R3HDM1: variants seen among roughly 807,000 people sequenced by gnomAD.
The protein encoded by R3HDM1 is R3H domain containing 1.
In R3HDM1, 46 loss-of-function variants were observed where a neutral mutation model predicts 141.1. The ratio of observed to expected loss-of-function variants is 0.33; its 90% CI spans 0.26 to 0.42. R3HDM1 has a LOEUF of 0.42. Among genes scored for constraint, R3HDM1 ranks in the 10% least tolerant of loss-of-function variants. The pLI, the probability that R3HDM1 is intolerant of heterozygous loss-of-function variation, is 1.00. For missense variants in R3HDM1, 1,184 were observed against 1,368.3 expected (o/e 0.87, Z 2.12); for synonymous variants, 435 against 472.9 (o/e 0.92, Z 1.04).
At chr2:135,696,518 G>C (rs2073272054) in intron 21 of R3HDM1, among the ~76,000 whole-genome samples, 1 of 152,120 alleles carries the variant, frequency 6.6e-6, no homozygotes, top group Non-Finnish European at 1.5e-5. Flanking sequence ...CTTAGAGACT[G>C]GTTCTTGCTG....
chr2:135,567,422 T>G (rs368509056), intron 1 of R3HDM1, among the ~76,000 whole-genome samples: 1 of 152,172 alleles, frequency 6.6e-6, no homozygotes, highest in Admixed American at 6.5e-5. Flanking sequence ...AGCTTTACTT[T>G]TCACTCCCAA....
chr2:135,543,505 A>C (rs1382373288), intron 1 of R3HDM1, among the ~76,000 whole-genome samples: 1 of 151,978 alleles, frequency 6.6e-6, no homozygotes, highest in African/African-American at 2.4e-5. Context: ...CAGTTTCTGC[A>C]AAGAAGCCAG....
Position 135,636,004 on chromosome 2 carries a change from C to T in R3HDM1, c.807+6C>T. 3 of 1,608,968 alleles carry T rather than the reference C, an allele frequency of 1.9e-6. No homozygotes were observed. Among genetic ancestry groups the T allele is most frequent in the Non-Finnish European group, 2.5e-6 (3 of 1,178,374 alleles). On this transcript the variant is annotated splice_donor_region_variant and intron_variant, in intron 10 of 26. Transcript: ENST00000683871. ...TTGACAAAGATGATAACCAGGTAAT[C>T]TAGAACAATTGTAGGATTTGTATAG...
At chr2:135,536,854 A>C in intron 1 of R3HDM1, 20 of 374,376 alleles carry the variant, frequency 5.3e-5, no homozygotes, top group Non-Finnish European at 6.6e-5. Context: ...TTAGATTCTC[A>C]TAGGATTGCA....
chr2:135,581,539 C>T (rs1323294106), intron 1 of R3HDM1: 1 of 428,426 alleles, frequency 2.3e-6, no homozygotes, highest in African/African-American at 2.2e-5. Flanking sequence ...CTCTCTATGA[C>T]ATGTTAAGTT....
chr2:135,577,838 CAAA>C (rs541600763), intron 1 of R3HDM1, among the ~76,000 whole-genome samples: 3 of 62,888 alleles, frequency 4.8e-5, no homozygotes, highest in African/African-American at 4.6e-5. Flanking sequence ...AACTTCATCT[CAAA>C]AAAAAAAAAA....
chr2:135,669,194 C>T (rs2067960388), intron 19 of R3HDM1: 4 of 984,906 alleles, frequency 4.1e-6, no homozygotes, highest in African/African-American at 3.5e-5. Context: ...TAGTAAACCA[C>T]GCATCTTGCG....
chr2:135,540,395 A>G (rs913700407), intron 1 of R3HDM1, among the ~76,000 whole-genome samples: 3 of 152,154 alleles, frequency 2.0e-5, no homozygotes, highest in Admixed American at 1.3e-4. Context: ...AAAATCTTTA[A>G]AAGTTGATAT....
intron 1 of R3HDM1, among the ~76,000 whole-genome samples, chr2:135,589,497 A>T (rs1490409466): frequency 5.3e-5 from 8 of 152,198 alleles, no homozygotes; most frequent in Non-Finnish European, 1.2e-4. Flanking sequence ...ATACTTGCAC[A>T]GCTGACCAAC....
intron 9 of R3HDM1, among the ~76,000 whole-genome samples, chr2:135,633,155 T>C (rs1463191639): frequency 6.6e-6 from 1 of 152,220 alleles, no homozygotes; most frequent in African/African-American, 2.4e-5. Context: ...GAGTCTGATT[T>C]AGTTTTCATT....
chr2:135,635,807 T>C (rs2063190873), intron 9 of R3HDM1, 83 bp from the exon 10 acceptor site: 6 of 1,471,808 alleles, frequency 4.1e-6, no homozygotes, highest in Non-Finnish European at 5.4e-6. Flanking sequence ...TTATTTCTTT[T>C]CATAAAATGT....
At chr2:135,533,594 A>G (rs1695400717) in intron 1 of R3HDM1, among the ~76,000 whole-genome samples, 3 of 152,206 alleles carry the variant, frequency 2.0e-5, no homozygotes. Flanking sequence ...TAAATATATA[A>G]TAGTGGCCGG....
intron 19 of R3HDM1, among the ~76,000 whole-genome samples, chr2:135,671,105 A>G (rs995272468): frequency 6.0e-5 from 9 of 150,874 alleles, no homozygotes; most frequent in Admixed American, 2.7e-4. Context: ...TATTCAAATA[A>G]TACCTTCATT....
At chr2:135,698,362 T>C (rs1270946121) in intron 21 of R3HDM1, among the ~76,000 whole-genome samples, 5 of 151,820 alleles carry the variant, frequency 3.3e-5, no homozygotes, top group African/African-American at 1.2e-4. Flanking sequence ...GGTTTCACCA[T>C]ATTAGCCAGG....
intron 9 of R3HDM1, among the ~76,000 whole-genome samples, chr2:135,632,217 A>G (rs566703670): frequency 2.6e-5 from 4 of 152,054 alleles, no homozygotes; most frequent in Non-Finnish European, 4.4e-5. Context: ...GGACTGGGGC[A>G]TATGGTAAAA....
intron 1 of R3HDM1, among the ~76,000 whole-genome samples, chr2:135,595,864 C>A (rs1468062134): frequency 6.6e-6 from 1 of 152,118 alleles, no homozygotes; most frequent in Non-Finnish European, 1.5e-5. Context: ...CACTTTCCAT[C>A]AAAACTTTCA....
At chr2:135,714,795 A>G (rs1026155341) in intron 23 of R3HDM1, among the ~76,000 whole-genome samples, 1 of 152,156 alleles carries the variant, frequency 6.6e-6, no homozygotes, top group Admixed American at 6.5e-5. Context: ...ACACACAGAG[A>G]AAGCAGTGTA....
At chr2:135,564,674 G>A (rs773224221) in intron 1 of R3HDM1, among the ~76,000 whole-genome samples, 1 of 152,172 alleles carries the variant, frequency 6.6e-6, no homozygotes, top group Admixed American at 6.5e-5. Context: ...TGGTCTCAAA[G>A]TGTCACATTT....
Position 135,715,599 on chromosome 2 carries a change from C to G in R3HDM1, c.2786C>G (p.Ala929Gly), listed in dbSNP as rs749801442. ...ATTATTTCACCAGCTCAGTCGCCAG[C>G]ACCAGCTCAGCTGTCCACCCTGAAA... is the stretch of plus-strand genomic sequence containing the variant. The part of the protein sequence containing the change: ...SPIISPAQSP[A>G]PAQLSTLKTV... Residue 929 changes from alanine to glycine, a missense_variant, in exon 24 of 27, where the codon GCA (alanine) becomes GGA (glycine). Ala to Gly is a moderately conservative substitution (Grantham distance 60). This residue lies in a region of R3HDM1 where 563 missense variants were observed against 562.0 expected (regional missense o/e 1.00). Coordinates refer to ENST00000683871, the MANE Select transcript of R3HDM1 (RefSeq NM_001378107.1). The G allele has an allele frequency of 6.2e-7, 1 of 1,614,086 alleles. No homozygotes were observed. Among genetic ancestry groups the G allele is most frequent in the Non-Finnish European group, 8.5e-7 (1 of 1,179,956 alleles).
Sources: allele counts gnomAD v4.1 joint callset (sites outside exome capture counted in the v4.1 genomes callset), GRCh38; gene constraint gnomAD v4.1.1; regional missense constraint gnomAD v4.1.1; transcripts MANE v1.5; gene names NCBI Gene and HGNC (gene_info 2026-07-23, HGNC 2026-07-21).